Variants in IDO2 observed in about 807,000 individuals in gnomAD.
IDO2 encodes indoleamine 2,3-dioxygenase 2, also known as indoleamine 2,3-dioxygenase-like 1 protein.
Under a neutral mutation model 45.1 loss-of-function variants are expected in IDO2, and 46 were observed. The observed-to-expected ratio is 1.02, with a 90% CI of 0.80 to 1.30. The LOEUF (loss-of-function observed/expected upper bound fraction) is 1.30. Among genes scored for constraint, IDO2 ranks in the 50% most tolerant of loss-of-function variants. The probability of loss-of-function intolerance (pLI) is 0.00; values close to 1 mark genes in which losing one functional copy is unlikely to be tolerated. For missense variants in IDO2, 544 were observed against 491.8 expected (o/e 1.11, Z -1.00); for synonymous variants, 218 against 184.9 (o/e 1.18, Z -1.45).
chr8:39,968,234 C>T (rs535918852), intron 3 of IDO2, among the ~76,000 whole-genome samples: 2 of 152,122 alleles, frequency 1.3e-5, no homozygotes, highest in Non-Finnish European at 2.9e-5. Flanking sequence ...CAGGGATGAA[C>T]CTTAAATACA....
Position 39,986,149 on chromosome 8 carries a change from A to AC in IDO2, c.449+627_449+628insC, listed in dbSNP as rs1219977712. 7 of 152,222 alleles carry AC rather than the reference A, an allele frequency of 4.6e-5. 1 individual carries two copies. The highest frequency in any genetic ancestry group is 4.6e-4 in the Admixed American group (7 of 15,264). 9.4% of individuals were successfully genotyped at this position (152,222 alleles called of 1,614,324 possible). A position where few individuals can be genotyped will look rare whatever the true frequency, so the allele number is the denominator to read the frequency against. ...CCAGTTGAAGTTTAATAGTGTGAAA[A>AC]AAATATTTCTCATCTCACTATATCT... On this transcript the variant is annotated intron_variant, in intron 6 of 10. Coordinates refer to ENST00000502986, the Ensembl canonical transcript of IDO2.
chr8:39,951,677 C>G (rs1807816475), intron 2 of IDO2, among the ~76,000 whole-genome samples: 2 of 152,174 alleles, frequency 1.3e-5, no homozygotes, highest in Non-Finnish European at 2.9e-5. Flanking sequence ...TGACCTTGAG[C>G]CAGTGCTTGT....
intron 2 of IDO2, among the ~76,000 whole-genome samples, chr8:39,950,838 T>C (rs779870517): frequency 2.6e-5 from 4 of 152,202 alleles, no homozygotes; most frequent in African/African-American, 4.8e-5. Flanking sequence ...GCATGCACTA[T>C]GGGCTGGGGC....
intron 3 of IDO2, among the ~76,000 whole-genome samples, chr8:39,963,966 T>G (rs1808041594): frequency 6.6e-6 from 1 of 152,126 alleles, no homozygotes; most frequent in South Asian, 2.1e-4. Flanking sequence ...TAAAGAAGAA[T>G]CTGGGTGGGA....
chr8:39,969,891 A>T (rs932549523), intron 3 of IDO2, among the ~76,000 whole-genome samples: 19 of 148,512 alleles, frequency 1.3e-4, no homozygotes, highest in Admixed American at 2.7e-4. Flanking sequence ...AAAAAAAAAA[A>T]ATATCTAAAG....
intron 3 of IDO2, among the ~76,000 whole-genome samples, chr8:39,970,885 G>A (rs1585405366): frequency 6.7e-6 from 1 of 150,100 alleles, no homozygotes; most frequent in Non-Finnish European, 1.5e-5. Context: ...CCCTGCCTCA[G>A]CCTCCTGAGT....
chr8:39,960,810 T>A (rs1391017018), intron 2 of IDO2, among the ~76,000 whole-genome samples: 1 of 152,016 alleles, frequency 6.6e-6, no homozygotes, highest in Non-Finnish European at 1.5e-5. Flanking sequence ...TGAGACGGAG[T>A]CTCGCTCTGT....
At chr8:40,002,693 T>A (rs771117584) in intron 8 of IDO2, among the ~76,000 whole-genome samples, 25 of 152,176 alleles carry the variant, frequency 1.6e-4, no homozygotes, top group Admixed American at 3.9e-4. Context: ...GGCAGGAGAA[T>A]CGCTTGAACC....
intron 9 of IDO2, among the ~76,000 whole-genome samples, chr8:40,013,119 G>T (rs535497659): frequency 1.3e-5 from 2 of 152,228 alleles, no homozygotes; most frequent in Admixed American, 1.3e-4. Flanking sequence ...GTAATTGTGG[G>T]TGTTTGTGTA....
chr8:39,978,048 T>C (rs989462469), intron 3 of IDO2, among the ~76,000 whole-genome samples: 2 of 152,214 alleles, frequency 1.3e-5, no homozygotes, highest in African/African-American at 2.4e-5. Flanking sequence ...TCTATCTAGC[T>C]GTATTTTAGA....
intron 3 of IDO2, among the ~76,000 whole-genome samples, chr8:39,973,924 G>T (rs1484973154): frequency 6.6e-6 from 1 of 151,842 alleles, no homozygotes; most frequent in East Asian, 1.9e-4. Flanking sequence ...TATATTTTTG[G>T]TAGAGACTGG....
chr8:39,949,197 C>A (rs767003316), exon 2 of IDO2: 1 of 1,607,892 alleles, frequency 6.2e-7, no homozygotes, highest in South Asian at 1.1e-5. Flanking sequence ...GTGAAGACAG[C>A]AGTGCCATTG....
intron 8 of IDO2, among the ~76,000 whole-genome samples, chr8:39,990,185 G>A (rs1808480145): frequency 6.6e-6 from 1 of 152,236 alleles, no homozygotes; most frequent in Middle Eastern, 3.4e-3. Context: ...TGCAGTGTTA[G>A]GTACTGCAGA....
At chr8:39,939,698 T>TAAAA (rs371069586) in intron 1 of IDO2, among the ~76,000 whole-genome samples, 88 of 140,644 alleles carry the variant, frequency 6.3e-4, no homozygotes, top group African/African-American at 2.0e-3. Context: ...ATAAAAGAGT[T>TAAAA]AAAAAAAAAA....
At chr8:39,938,899 T>C (rs1040734807) in intron 1 of IDO2, among the ~76,000 whole-genome samples, 1 of 152,122 alleles carries the variant, frequency 6.6e-6, no homozygotes, top group East Asian at 1.9e-4. Context: ...CATTTCTACA[T>C]TGGTGAAAAT....
At chr8:39,976,682 CT>C (rs1159343706) in intron 3 of IDO2, among the ~76,000 whole-genome samples, 1 of 152,156 alleles carries the variant, frequency 6.6e-6, no homozygotes, top group Admixed American at 6.6e-5. Flanking sequence ...GCTCCTCAAA[CT>C]GCATTTTTGC....
chr8:39,990,633 A>G (rs1207491299), intron 8 of IDO2, among the ~76,000 whole-genome samples: 1 of 152,248 alleles, frequency 6.6e-6, no homozygotes, highest in African/African-American at 2.4e-5. Context: ...ATCTCAAAAC[A>G]GTTACATAAT....
At chr8:39,979,312 C>T in intron 4 of IDO2, 126 bp downstream of exon 4, 1 of 865,236 alleles carries the variant, frequency 1.2e-6, no homozygotes, top group South Asian at 2.4e-5. Context: ...CGATGGGCAT[C>T]AGTTTAAGCA....
At chr8:39,989,871 C>A (rs1222932578) in intron 8 of IDO2, 33 bp downstream of exon 8, 3 of 1,448,770 alleles carry the variant, frequency 2.1e-6, no homozygotes. Context: ...GAAGGATCCC[C>A]CAGGGGTCCT....
Sources: gnomAD v4.1 joint callset for allele counts (sites outside exome capture counted in the v4.1 genomes callset) on GRCh38, gnomAD v4.1.1 for gene constraint, MANE v1.5 for transcripts, NCBI Gene and HGNC (gene_info 2026-07-23, HGNC 2026-07-21) for gene names.